Variants in IMMP2L observed in about 807,000 individuals in gnomAD.
IMMP2L encodes the protein inner mitochondrial membrane peptidase subunit 2.
Under a neutral mutation model 19.3 loss-of-function variants are expected in IMMP2L, and 18 were observed. The ratio of observed to expected loss-of-function variants is 0.93; its 90% CI spans 0.64 to 1.38. The LOEUF (loss-of-function observed/expected upper bound fraction) is 1.38. Among genes scored for constraint, IMMP2L ranks in the 40% most tolerant of loss-of-function variants. The pLI is 0.00. For synonymous variants in IMMP2L, 76 were observed against 73.0 expected, an observed-to-expected ratio of 1.04 and a Z score of -0.21; for missense variants, 233 against 218.2, an observed-to-expected ratio of 1.07 and a Z score of -0.43.
chr7:110,899,722 G>A (rs1158567604), intron 4 of IMMP2L, among the ~76,000 whole-genome samples: 1 of 152,082 alleles, frequency 6.6e-6, no homozygotes, highest in Non-Finnish European at 1.5e-5. Flanking sequence ...ATGGCGGGTG[G>A]CAGGGTGCTA....
chr7:111,075,832 A>T (rs1468710207), intron 3 of IMMP2L, among the ~76,000 whole-genome samples: 1 of 152,144 alleles, frequency 6.6e-6, no homozygotes. Context: ...TTTATATTTT[A>T]AATTTGATGT....
At chr7:110,699,226 G>GC (rs1437475422) in intron 5 of IMMP2L, among the ~76,000 whole-genome samples, 1 of 152,124 alleles carries the variant, frequency 6.6e-6, no homozygotes, top group East Asian at 1.9e-4. Flanking sequence ...ATATGATGCT[G>GC]CCCTAGACTA....
At chr7:111,141,041 G>T (rs549516407) in intron 3 of IMMP2L, among the ~76,000 whole-genome samples, 108 of 152,224 alleles carry the variant, frequency 7.1e-4, no homozygotes, top group Non-Finnish European at 1.4e-3. Flanking sequence ...AAAATGAATG[G>T]CTAGTTGGTG....
chr7:111,197,744 T>G (rs116720561), intron 3 of IMMP2L, among the ~76,000 whole-genome samples: 1 of 152,278 alleles, frequency 6.6e-6, no homozygotes, highest in African/African-American at 2.4e-5. Flanking sequence ...TCAATACTAT[T>G]ACATTCTATC....
chr7:111,473,166 T>C (rs1841418024), intron 3 of IMMP2L, among the ~76,000 whole-genome samples: 1 of 152,134 alleles, frequency 6.6e-6, no homozygotes, highest in African/African-American at 2.4e-5. Context: ...ATCACATAGA[T>C]AAAAGGATGG....
intron 3 of IMMP2L, among the ~76,000 whole-genome samples, chr7:111,329,087 T>C (rs1314796247): frequency 6.6e-6 from 1 of 151,910 alleles, no homozygotes; most frequent in South Asian, 2.1e-4. Context: ...AGCTTTCATG[T>C]ACAATCATGT....
intron 5 of IMMP2L, among the ~76,000 whole-genome samples, chr7:110,808,780 T>C (rs370555890): frequency 1.3e-5 from 2 of 152,042 alleles, no homozygotes; most frequent in Admixed American, 6.6e-5. Context: ...AAAGGAAACA[T>C]AGAGACGTGA....
chr7:111,205,647 T>C (rs1400308578), intron 3 of IMMP2L, among the ~76,000 whole-genome samples: 1 of 151,998 alleles, frequency 6.6e-6, no homozygotes, highest in African/African-American at 2.4e-5. Flanking sequence ...TAAATAAAAA[T>C]TAATAATAAC....
In IMMP2L at chr7:110,825,514, G is replaced by A. The variant is rs977294285; in HGVS notation, c.408+61079C>T. ...ATATAGATCAGTGGAATAGAACAGA[G>A]CCCTCAGAAATAATACCACACATCT... On this transcript the variant is annotated intron_variant, in intron 5 of 5. Coordinates refer to ENST00000405709, the MANE Select transcript of IMMP2L (RefSeq NM_032549.4). Among the ~76,000 whole-genome samples, 78 of 152,202 alleles carry A rather than the reference G, an allele frequency of 5.1e-4. 1 individual carries two copies. The highest frequency in any genetic ancestry group is 1.8e-3 in the African/African-American group (75 of 41,542).
chr7:110,813,113 C>T (rs1399694223), intron 5 of IMMP2L, among the ~76,000 whole-genome samples: 1 of 151,980 alleles, frequency 6.6e-6, no homozygotes, highest in Non-Finnish European at 1.5e-5. Context: ...GGATTAAGGA[C>T]ATTGTGAAAA....
chr7:111,049,539 G>A (rs1285610362), intron 3 of IMMP2L, among the ~76,000 whole-genome samples: 1 of 152,092 alleles, frequency 6.6e-6, no homozygotes, highest in Non-Finnish European at 1.5e-5. Flanking sequence ...ACCCTTTGTA[G>A]GAAGTTGTCA....
intron 3 of IMMP2L, among the ~76,000 whole-genome samples, chr7:111,157,092 T>C (rs892072448): frequency 2.6e-5 from 4 of 152,074 alleles, no homozygotes; most frequent in African/African-American, 9.7e-5. Context: ...CTAGTAAGGA[T>C]GTGGAGAAAA....
chr7:111,412,517 A>G (rs2131526654), intron 3 of IMMP2L, among the ~76,000 whole-genome samples: 1 of 152,060 alleles, frequency 6.6e-6, no homozygotes, highest in African/African-American at 2.4e-5. Context: ...AAGTCAAACA[A>G]TATAATTCTA....
chr7:110,821,437 G>A (rs926885182), intron 5 of IMMP2L, among the ~76,000 whole-genome samples: 3 of 152,070 alleles, frequency 2.0e-5, no homozygotes, highest in Non-Finnish European at 4.4e-5. Context: ...TTCTCTGCTT[G>A]TATATCAGAT....
intron 5 of IMMP2L, among the ~76,000 whole-genome samples, chr7:110,883,580 C>T (rs1384967735): frequency 6.6e-6 from 1 of 152,094 alleles, no homozygotes; most frequent in Non-Finnish European, 1.5e-5. Context: ...TTCATATTCC[C>T]TGCATACAAA....
intron 4 of IMMP2L, among the ~76,000 whole-genome samples, chr7:110,918,034 C>T (rs773593778): frequency 5.3e-5 from 8 of 152,166 alleles, no homozygotes; most frequent in Non-Finnish European, 1.0e-4. Flanking sequence ...CAATCATCCA[C>T]TTTACCACCA....
chr7:110,689,551 A>G (rs1793353026), intron 5 of IMMP2L, among the ~76,000 whole-genome samples: 1 of 151,962 alleles, frequency 6.6e-6, no homozygotes, highest in South Asian at 2.1e-4. Flanking sequence ...TTTCTTTTTC[A>G]AATTTACTTT....
At chr7:111,528,637 A>T (rs1353597079) in intron 1 of IMMP2L, among the ~76,000 whole-genome samples, 1 of 152,168 alleles carries the variant, frequency 6.6e-6, no homozygotes, top group Non-Finnish European at 1.5e-5. Flanking sequence ...TAATTCATCT[A>T]AAATTGTTCT....
At chr7:111,194,714 A>C (rs1388354462) in intron 3 of IMMP2L, among the ~76,000 whole-genome samples, 1 of 152,146 alleles carries the variant, frequency 6.6e-6, no homozygotes, top group Non-Finnish European at 1.5e-5. Flanking sequence ...TTAACACCTA[A>C]AACAGTATTG....
Sources: gnomAD v4.1 joint callset for allele counts (sites outside exome capture counted in the v4.1 genomes callset) on GRCh38, gnomAD v4.1.1 for gene constraint, MANE v1.5 for transcripts, NCBI Gene and HGNC (gene_info 2026-07-23, HGNC 2026-07-21) for gene names.